The following GRID1 variants were observed in gnomAD, a reference collection of about 807,000 sequenced individuals.
GRID1 encodes the protein glutamate ionotropic receptor delta type subunit 1.
GRID1 carries 28 observed loss-of-function variants against 98.0 expected under a neutral mutation model. The ratio of observed to expected loss-of-function variants is 0.29; its 90% CI spans 0.21 to 0.39. GRID1 has a LOEUF of 0.39. Ranked by LOEUF, GRID1 falls within the 10% of genes least tolerant of loss-of-function variation. The pLI is 1.00. For missense variants in GRID1, 1,111 were observed against 1,340.5 expected (o/e 0.83, Z 2.67); for synonymous variants, 553 against 538.5 (o/e 1.03, Z -0.37).
intron 4 of GRID1, among the ~76,000 whole-genome samples, chr10:85,949,043 G>C (rs1247148010): frequency 1.3e-5 from 2 of 152,096 alleles, no homozygotes; most frequent in African/African-American, 4.8e-5. Flanking sequence ...CTTAAATTTG[G>C]GTGGAGAGGA....
At chr10:85,704,904 A>C (rs1841497735) in intron 12 of GRID1, among the ~76,000 whole-genome samples, 2 of 152,236 alleles carry the variant, frequency 1.3e-5, no homozygotes, top group Admixed American at 6.5e-5. Context: ...AGAAATAAAG[A>C]TGTTCTTTGA....
At chr10:86,134,021 G>A (rs952052740) in intron 4 of GRID1, among the ~76,000 whole-genome samples, 3 of 152,256 alleles carry the variant, frequency 2.0e-5, no homozygotes, top group Non-Finnish European at 4.4e-5. Flanking sequence ...GAAAGAGGGA[G>A]GCCTATGTAC....
At chr10:86,190,436 G>C (rs1009912776) in intron 3 of GRID1, among the ~76,000 whole-genome samples, 2 of 152,226 alleles carry the variant, frequency 1.3e-5, no homozygotes, top group African/African-American at 2.4e-5. Flanking sequence ...CATGAAGCCT[G>C]GCTGTGCTGG....
At chr10:85,670,531 C>T (rs918476428) in intron 12 of GRID1, among the ~76,000 whole-genome samples, 1 of 152,144 alleles carries the variant, frequency 6.6e-6, no homozygotes, top group African/African-American at 2.4e-5. Flanking sequence ...CACCTAGACC[C>T]AAACAAACAT....
intron 8 of GRID1, among the ~76,000 whole-genome samples, chr10:85,847,041 G>A (rs1461368555): frequency 6.6e-6 from 1 of 152,170 alleles, no homozygotes; most frequent in East Asian, 1.9e-4. Flanking sequence ...AAGCATCTGA[G>A]AGAGAAATTC....
chr10:85,605,336 G>C (rs1564674990), intron 15 of GRID1: 1 of 152,212 alleles, frequency 6.6e-6, no homozygotes, highest in Non-Finnish European at 1.5e-5. Context: ...TGAAGTAGTT[G>C]AGAAAGAAAT....
intron 8 of GRID1, among the ~76,000 whole-genome samples, chr10:85,777,401 T>C (rs544280259): frequency 3.2e-4 from 49 of 152,326 alleles, no homozygotes; most frequent in African/African-American, 9.1e-4. Context: ...TGCTGAACAT[T>C]GGTATCCTTG....
At chr10:85,788,665 G>GT (rs1196403769) in intron 8 of GRID1, among the ~76,000 whole-genome samples, 1 of 152,222 alleles carries the variant, frequency 6.6e-6, no homozygotes, top group African/African-American at 2.4e-5. Flanking sequence ...TTATTCTTCC[G>GT]TTAGGAAAGT....
At chr10:86,332,528 G>A (rs539088166) in intron 2 of GRID1, among the ~76,000 whole-genome samples, 2 of 152,134 alleles carry the variant, frequency 1.3e-5, no homozygotes, top group African/African-American at 4.8e-5. Context: ...TTCCCCAGGT[G>A]AAGATCCCAA....
intron 3 of GRID1, among the ~76,000 whole-genome samples, chr10:86,174,758 T>C (rs1173422034): frequency 1.3e-5 from 2 of 150,040 alleles, no homozygotes; most frequent in East Asian, 1.9e-4. Context: ...AAAGGGCTAA[T>C]ATCCAGAATC....
intron 4 of GRID1, among the ~76,000 whole-genome samples, chr10:86,076,110 G>C (rs1843877419): frequency 6.6e-6 from 1 of 152,210 alleles, no homozygotes; most frequent in Admixed American, 6.5e-5. Context: ...TTCTCAACTT[G>C]TTATTAGCTG....
At chr10:85,985,506 G>A (rs936177746) in intron 4 of GRID1, among the ~76,000 whole-genome samples, 3 of 152,282 alleles carry the variant, frequency 2.0e-5, no homozygotes, top group East Asian at 3.9e-4. Context: ...AGGGTTTACC[G>A]CATGGTACAT....
At chr10:85,849,488 C>T (rs564957985) in intron 8 of GRID1, among the ~76,000 whole-genome samples, 1 of 152,266 alleles carries the variant, frequency 6.6e-6, no homozygotes, top group Non-Finnish European at 1.5e-5. Context: ...GGAGGCTGAG[C>T]CAAGGGCAGT....
At chr10:85,862,226 A>T (rs1640623049) in intron 6 of GRID1, among the ~76,000 whole-genome samples, 1 of 152,246 alleles carries the variant, frequency 6.6e-6, no homozygotes, top group African/African-American at 2.4e-5. Context: ...AGGAAGGAAC[A>T]TTTATGAAAG....
At chr10:85,778,248 G>C (rs547880525) in intron 8 of GRID1, among the ~76,000 whole-genome samples, 4 of 152,082 alleles carry the variant, frequency 2.6e-5, no homozygotes, top group Non-Finnish European at 5.9e-5. Flanking sequence ...TGGCACACCT[G>C]CTAGACAAGC....
chr10:85,944,906 G>A (rs766613925), intron 4 of GRID1, among the ~76,000 whole-genome samples: 3 of 151,938 alleles, frequency 2.0e-5, no homozygotes, highest in Non-Finnish European at 4.4e-5. Context: ...AGTTATATGC[G>A]TTTTTGCAGA....
At chr10:86,339,183 T>C (rs956096214) in intron 2 of GRID1, among the ~76,000 whole-genome samples, 1 of 152,136 alleles carries the variant, frequency 6.6e-6, no homozygotes, top group Non-Finnish European at 1.5e-5. Context: ...GAACAAATGC[T>C]CTCTGCCCTG....
At chr10:86,088,136 C>T (rs1039219148) in intron 4 of GRID1, among the ~76,000 whole-genome samples, 4 of 152,226 alleles carry the variant, frequency 2.6e-5, no homozygotes, top group Non-Finnish European at 1.5e-5. Context: ...CAAGTTTCCC[C>T]AGAGCCAAAT....
chr10:85,801,985 CAATT>C (rs1842580427), intron 8 of GRID1, among the ~76,000 whole-genome samples: 1 of 151,750 alleles, frequency 6.6e-6, no homozygotes, highest in Non-Finnish European at 1.5e-5. Context: ...ATACACCAAA[CAATT>C]AGAGAAAACA....
Sources: gnomAD v4.1 joint callset for allele counts (sites outside exome capture counted in the v4.1 genomes callset) on GRCh38, gnomAD v4.1.1 for gene constraint, MANE v1.5 for transcripts, NCBI Gene and HGNC (gene_info 2026-07-23, HGNC 2026-07-21) for gene names.